SEC11C: variants seen among roughly 807,000 people sequenced by gnomAD.
SEC11C encodes the protein SEC11 homolog C, signal peptidase complex subunit, also known as signal peptidase complex catalytic subunit SEC11C.
A neutral mutation model predicts 21.9 loss-of-function variants in SEC11C; 10 were observed. The ratio of observed to expected loss-of-function variants is 0.46; its 90% CI spans 0.28 to 0.77. The LOEUF is 0.77. SEC11C is among the 30% of genes least tolerant of loss of function. The pLI is 0.12. For synonymous variants in SEC11C, 83 were observed against 85.6 expected (o/e 0.97, Z 0.17); for missense variants, 145 against 244.5 (o/e 0.59, Z 2.71).
At chr18:59,143,690 T>C (rs1306823298) in intron 1 of SEC11C, among the ~76,000 whole-genome samples, 1 of 152,144 alleles carries the variant, frequency 6.6e-6, no homozygotes, top group Non-Finnish European at 1.5e-5. Context: ...GTTTTATCGT[T>C]TGGTGAGATC....
intron 1 of SEC11C, among the ~76,000 whole-genome samples, chr18:59,145,826 A>G (rs1376668594): frequency 6.6e-6 from 1 of 152,224 alleles, no homozygotes; most frequent in Non-Finnish European, 1.5e-5. Context: ...ATGTTTAGTT[A>G]CATAAATACT....
intron 5 of SEC11C, 91 bp from the exon 6 acceptor site, chr18:59,158,541 C>A: frequency 1.0e-6 from 1 of 952,532 alleles, no homozygotes; most frequent in Non-Finnish European, 1.7e-6. Flanking sequence ...CTGTCCTCAG[C>A]GCAGTATTTA....
chr18:59,157,506 G>T, intron 4 of SEC11C, 102 bp from the exon 5 acceptor site: 1 of 838,946 alleles, frequency 1.2e-6, no homozygotes, highest in Non-Finnish European at 2.1e-6. Flanking sequence ...GCATTCCCTC[G>T]TACAATTCAT....
At chr18:59,142,372 A>AATTTATAATTTGC (rs2069221665) in intron 1 of SEC11C, among the ~76,000 whole-genome samples, 1 of 151,886 alleles carries the variant, frequency 6.6e-6, no homozygotes, top group Admixed American at 6.5e-5. Context: ...AAGTGGCAAG[A>AATTTATAATTTGC]TTTTATCGGG....
intron 1 of SEC11C, among the ~76,000 whole-genome samples, chr18:59,143,725 C>CAT: frequency 6.6e-6 from 1 of 152,180 alleles, no homozygotes; most frequent in East Asian, 1.9e-4. Flanking sequence ...ATTTTTCACT[C>CAT]AACATACTGT....
chr18:59,141,674 T>TTG (rs894242111), intron 1 of SEC11C, among the ~76,000 whole-genome samples: 2 of 152,098 alleles, frequency 1.3e-5, no homozygotes, highest in African/African-American at 4.8e-5. Context: ...CTTTTTTTTT[T>TTG]TTTCTCTTCT....
chr18:59,139,925 C>A lies in SEC11C; in HGVS notation c.-24C>A, dbSNP rs546728819. On this transcript the variant is annotated 5_prime_UTR_variant, in exon 1 of 6. Coordinates refer to ENST00000587834, the MANE Select transcript of SEC11C (RefSeq NM_033280.4). ...TCTGTGCCACCCAGAGCCGGCGGGC[C>A]GCTAGGTCCCCGGAGACCCTGCTAT... 103 of 1,503,392 alleles carry A rather than the reference C, an allele frequency of 6.9e-5. No homozygotes were observed. The highest frequency in any genetic ancestry group is 2.4e-4 in the Middle Eastern group (1 of 4,148). 93.1% of individuals were successfully genotyped at this position (1,503,392 alleles called of 1,614,324 possible). A position where few individuals can be genotyped will look rare whatever the true frequency, so the allele number is the denominator to read the frequency against.
chr18:59,149,731 A>G (rs750949473), intron 2 of SEC11C, 109 bp downstream of exon 2: 3 of 571,332 alleles, frequency 5.3e-6, no homozygotes, highest in Non-Finnish European at 9.5e-6. Flanking sequence ...CTAAAATTCA[A>G]GATTTTAATT....
At chr18:59,146,604 GC>G (rs202244237) in intron 1 of SEC11C, among the ~76,000 whole-genome samples, 1,898 of 152,256 alleles carry the variant, frequency 0.012, 34 homozygotes, top group African/African-American at 0.044. Context: ...TAAGGTGAGG[GC>G]CGACAGTTAT....
At chr18:59,143,680 G>C (rs185260947) in intron 1 of SEC11C, among the ~76,000 whole-genome samples, 1 of 152,130 alleles carries the variant, frequency 6.6e-6, no homozygotes, top group East Asian at 1.9e-4. Context: ...CTTTGTATTT[G>C]TTTTATCGTT....
intron 2 of SEC11C, among the ~76,000 whole-genome samples, 154 bp from the exon 3 acceptor site, chr18:59,152,382 G>A (rs925227229): frequency 2.6e-5 from 4 of 151,784 alleles, no homozygotes; most frequent in African/African-American, 9.7e-5. Flanking sequence ...TTTCGCACAT[G>A]TTACCACCTT....
chr18:59,139,943 C>A lies in SEC11C; in HGVS notation c.-6C>A, dbSNP rs1270727618. The stretch of plus-strand genomic sequence containing the variant: ...GGCGGGCCGCTAGGTCCCCGGAGAC[C>A]CTGCTATGGTGCGTGCGGGCGCCGT... On this transcript the variant is annotated 5_prime_UTR_variant, in exon 1 of 6. Coordinates refer to ENST00000587834, the MANE Select transcript of SEC11C (RefSeq NM_033280.4). 1 of 1,548,952 alleles carries A rather than the reference C, an allele frequency of 6.5e-7. No individual in the cohort carries two copies. The highest frequency in any genetic ancestry group is 1.2e-5 in the South Asian group (1 of 84,490).
At chr18:59,145,108 T>G (rs962081833) in intron 1 of SEC11C, among the ~76,000 whole-genome samples, 2 of 152,256 alleles carry the variant, frequency 1.3e-5, no homozygotes, top group Non-Finnish European at 2.9e-5. Flanking sequence ...TTAATTATGA[T>G]GCTGATGAAC....
intron 3 of SEC11C, 189 bp from the exon 4 acceptor site, chr18:59,155,497 CTG>C: frequency 2.0e-6 from 1 of 500,678 alleles, no homozygotes; most frequent in Non-Finnish European, 3.5e-6. Flanking sequence ...GTCTACAAAA[CTG>C]TCATTAGATT....
At chr18:59,147,989 A>G (rs546096093) in intron 1 of SEC11C, 1 of 152,438 alleles carries the variant, frequency 6.6e-6, no homozygotes, top group South Asian at 2.1e-4. Flanking sequence ...TGCCAGGAGA[A>G]TAGGCACCTG....
chr18:59,144,726 T>TAAAA (rs5825314), intron 1 of SEC11C, among the ~76,000 whole-genome samples: 3 of 98,582 alleles, frequency 3.0e-5, no homozygotes, highest in African/African-American at 4.1e-5. Flanking sequence ...CCTTGTATCT[T>TAAAA]AAAAAAAAAA....
intron 3 of SEC11C, 157 bp downstream of exon 3, chr18:59,152,842 G>A: frequency 5.3e-6 from 3 of 567,452 alleles, no homozygotes; most frequent in Non-Finnish European, 9.0e-6. Flanking sequence ...CTGTAGGATG[G>A]GAGTTGTAGT....
In SEC11C at chr18:59,157,637, T is replaced by C; in HGVS notation, c.497T>C (p.Ile166Thr). The C allele has an allele frequency of 1.2e-6, 2 of 1,607,154 alleles. No individual in the cohort carries two copies. The highest frequency in any genetic ancestry group is 1.7e-6 in the Non-Finnish European group (2 of 1,173,744). ...TTACCATATGTTGGTATGGTCACCA[T>C]AATAATGAATGACTATCCAAAATTC... ...GFLPYVGMVT[I>T]IMNDYPKFKY... Residue 166 changes from isoleucine (I) to threonine (T), a missense_variant, in exon 5 of 6, where the codon ATA becomes ACA. By Grantham distance (89) the Ile-to-Thr change is moderately conservative. Transcript: ENST00000587834.
At chr18:59,151,499 C>T (rs2069354137) in intron 2 of SEC11C, among the ~76,000 whole-genome samples, 1 of 152,102 alleles carries the variant, frequency 6.6e-6, no homozygotes, top group South Asian at 2.1e-4. Flanking sequence ...ATGCTTCATC[C>T]ATGTCCATAC....
Sources: allele counts gnomAD v4.1 joint callset (sites outside exome capture counted in the v4.1 genomes callset), GRCh38; gene constraint gnomAD v4.1.1; transcripts MANE v1.5; gene names NCBI Gene and HGNC (gene_info 2026-07-23, HGNC 2026-07-21).